GXYLT1: variants seen among roughly 807,000 people sequenced by gnomAD.
GXYLT1 encodes glycosyltransferase 8 domain containing 3.
In GXYLT1, 29 loss-of-function variants were observed where a neutral mutation model predicts 54.0. That is an observed-to-expected ratio of 0.54 (90% CI 0.40 to 0.73). The LOEUF (loss-of-function observed/expected upper bound fraction) is 0.73. Ranked by LOEUF, GXYLT1 falls within the 30% of genes least tolerant of loss-of-function variation. GXYLT1 has a pLI of 0.00. For missense variants in GXYLT1, 490 were observed against 553.4 expected (o/e 0.89, Z 1.15); for synonymous variants, 176 against 204.1 (o/e 0.86, Z 1.17).
chr12:42,127,239 T>C (rs901798137), intron 2 of GXYLT1, among the ~76,000 whole-genome samples: 8 of 152,210 alleles, frequency 5.3e-5, no homozygotes, highest in African/African-American at 1.7e-4. Flanking sequence ...GTATGGCATT[T>C]GGGCTTGTAT....
Position 42,137,389 on chromosome 12 carries a change from T to G in GXYLT1, c.221+7037A>C, listed in dbSNP as rs901267540. The stretch of plus-strand genomic sequence containing the variant: ...CAGGCTTGGTGGCATGCACCTGTAC[T>G]CCCAGCTACTTGGGAGGCTAAGGCA... On this transcript the variant is annotated intron_variant, in intron 1 of 7. Coordinates refer to ENST00000398675, the MANE Select transcript of GXYLT1 (RefSeq NM_173601.2). Among the ~76,000 whole-genome samples, 5 of 150,308 alleles carry G rather than the reference T, an allele frequency of 3.3e-5. No individual in the cohort carries two copies. The East Asian group carries it at 9.9e-4, about 30-fold the overall frequency.
Position 42,086,583 on chromosome 12 carries a change from T to C in GXYLT1, c.*1203A>G, listed in dbSNP as rs927312633. On this transcript the variant is annotated 3_prime_UTR_variant, in exon 8 of 8. Coordinates refer to ENST00000398675, the MANE Select transcript of GXYLT1 (RefSeq NM_173601.2). Reference sequence around the variant, plus strand: ...GCTAAGTATTCAGAATCTATAGTTATATTAGCTAACAGGTCAAGAATGCCA... The same window carrying C: ...GCTAAGTATTCAGAATCTATAGTTACATTAGCTAACAGGTCAAGAATGCCA... The C allele has an allele frequency of 1.1e-4, 17 of 152,198 alleles. No homozygotes were observed. The highest frequency in any genetic ancestry group is 1.7e-4 in the African/African-American group (7 of 41,466). 9.4% of individuals were successfully genotyped at this position (152,198 alleles called of 1,614,324 possible).
At chr12:42,113,432 G>A (rs1395226823) in intron 3 of GXYLT1, among the ~76,000 whole-genome samples, 2 of 151,056 alleles carry the variant, frequency 1.3e-5, no homozygotes, top group East Asian at 1.9e-4. Flanking sequence ...AAAGGATGGA[G>A]AAAGATCCAC....
Position 42,144,572 on chromosome 12 carries a change from C to G in GXYLT1, c.75G>C (p.Gln25His). ...GFCSLLYAFSQLAVSLEEGTG... is the reference protein window; with the variant it reads ...GFCSLLYAFSHLAVSLEEGTG... ...TTCCTTCTTCCAGGGACACGGCGAGCTGGCTGAAAGCGTAAAGGAGCGAGC... is the reference window on the plus strand; with the variant it reads ...TTCCTTCTTCCAGGGACACGGCGAGGTGGCTGAAAGCGTAAAGGAGCGAGC... Residue 25 changes from glutamine to histidine, a missense_variant, in exon 1 of 8, where the codon CAG becomes CAC. Transcript: ENST00000398675. 2.0e-6 allele frequency: 3 copies of G among 1,466,606 alleles called. No individual in the cohort carries two copies. The highest frequency in any genetic ancestry group is 2.7e-6 in the Non-Finnish European group (3 of 1,107,202). The allele number at this position is 1,466,606 out of a possible 1,614,324, so 90.8% of individuals were successfully genotyped here. A position where few individuals can be genotyped will look rare whatever the true frequency, so the allele number is the denominator to read the frequency against.
intron 1 of GXYLT1, among the ~76,000 whole-genome samples, chr12:42,130,212 A>G (rs2065586521): frequency 6.6e-6 from 1 of 152,188 alleles, no homozygotes; most frequent in Admixed American, 6.5e-5. Context: ...GGGACAAACA[A>G]AATATTTGCT....
chr12:42,098,140 G>C (rs1191978840), intron 5 of GXYLT1, 107 bp from the exon 6 acceptor site: 7 of 1,031,010 alleles, frequency 6.8e-6, no homozygotes, highest in Admixed American at 2.2e-5. Flanking sequence ...TCCACAAAGA[G>C]AAATGCAAAC....
intron 7 of GXYLT1, among the ~76,000 whole-genome samples, chr12:42,089,150 G>C (rs2065314615): frequency 6.6e-6 from 1 of 152,074 alleles, no homozygotes; most frequent in African/African-American, 2.4e-5. Context: ...GTTTTAAAAA[G>C]AGATGGGGAA....
intron 5 of GXYLT1, among the ~76,000 whole-genome samples, chr12:42,099,451 C>T (rs983313193): frequency 6.6e-6 from 1 of 152,150 alleles, no homozygotes; most frequent in Non-Finnish European, 1.5e-5. Flanking sequence ...ATATGTCACG[C>T]AAATAATAAT....
chr12:42,092,571 A>C (rs747696317), intron 7 of GXYLT1, among the ~76,000 whole-genome samples: 56 of 152,142 alleles, frequency 3.7e-4, no homozygotes, highest in Non-Finnish European at 6.8e-4. Context: ...AAAGGGGACT[A>C]ATAAGAACAA....
chr12:42,107,022 C>T (rs1438805916), intron 4 of GXYLT1, among the ~76,000 whole-genome samples: 3 of 152,254 alleles, frequency 2.0e-5, no homozygotes, highest in Non-Finnish European at 2.9e-5. Context: ...GCTGGGATTA[C>T]AGGCACGAGC....
intron 1 of GXYLT1, among the ~76,000 whole-genome samples, chr12:42,135,715 T>G (rs1237729468): frequency 1.3e-5 from 2 of 152,214 alleles, no homozygotes; most frequent in East Asian, 3.8e-4. Flanking sequence ...AAAGGCCACA[T>G]ACTGTGTGAT....
chr12:42,124,029 A>G (rs181713644), intron 2 of GXYLT1, among the ~76,000 whole-genome samples: 2 of 151,956 alleles, frequency 1.3e-5, no homozygotes, highest in Middle Eastern at 3.4e-3. Context: ...AACACTTTCA[A>G]AACAAAATAC....
intron 4 of GXYLT1, among the ~76,000 whole-genome samples, chr12:42,108,607 T>C (rs2065434384): frequency 6.6e-6 from 1 of 152,150 alleles, no homozygotes. Flanking sequence ...CTTTTTACAA[T>C]GGAAGAGAAG....
intron 5 of GXYLT1, among the ~76,000 whole-genome samples, chr12:42,105,153 G>C (rs918124250): frequency 6.6e-6 from 1 of 152,164 alleles, no homozygotes; most frequent in African/African-American, 2.4e-5. Flanking sequence ...TTGCAACTTA[G>C]ATATACAACT....
rs77610614 is a variant in GXYLT1, at chr12:42,120,080, T to C, written c.315-909A>G. ...GAGCTTAACTCTCTCAAGGAACCCATTGAGAAAGATAGATTTGAAGGTCTT... is the reference window on the plus strand; with the variant it reads ...GAGCTTAACTCTCTCAAGGAACCCACTGAGAAAGATAGATTTGAAGGTCTT... On this transcript the variant is annotated intron_variant, in intron 2 of 7. Coordinates refer to ENST00000398675, the MANE Select transcript of GXYLT1 (RefSeq NM_173601.2). 6.6e-3 allele frequency among the ~76,000 whole-genome samples: 999 copies of C among 152,222 alleles called. 43 individuals are homozygous for C. The East Asian group carries it at 0.09, about 14-fold the overall frequency.
chr12:42,116,856 T>C (rs947634218), intron 3 of GXYLT1, among the ~76,000 whole-genome samples: 2 of 152,062 alleles, frequency 1.3e-5, no homozygotes, highest in African/African-American at 4.8e-5. Flanking sequence ...CTATTCACAA[T>C]AGCAAAGACT....
At chr12:42,120,366 G>C (rs1313720769) in intron 2 of GXYLT1, among the ~76,000 whole-genome samples, 1 of 152,144 alleles carries the variant, frequency 6.6e-6, no homozygotes, top group African/African-American at 2.4e-5. Context: ...ACACTTCTGA[G>C]ATGGTCTAAA....
At chr12:42,122,263 T>A (rs1163746967) in intron 2 of GXYLT1, among the ~76,000 whole-genome samples, 1 of 152,174 alleles carries the variant, frequency 6.6e-6, no homozygotes, top group Non-Finnish European at 1.5e-5. Context: ...ATGAAAAGTA[T>A]GACAGTAATG....
intron 3 of GXYLT1, among the ~76,000 whole-genome samples, chr12:42,117,229 G>A (rs1426477283): frequency 6.6e-6 from 1 of 151,698 alleles, no homozygotes; most frequent in Non-Finnish European, 1.5e-5. Flanking sequence ...GTATACATAT[G>A]TAACAAACCT....
Sources: allele counts gnomAD v4.1 joint callset (sites outside exome capture counted in the v4.1 genomes callset), GRCh38; gene constraint gnomAD v4.1.1; transcripts MANE v1.5; gene names NCBI Gene and HGNC (gene_info 2026-07-23, HGNC 2026-07-21).